Variants in CHD9 observed in about 807,000 individuals in gnomAD.
The protein encoded by CHD9 is ATP-dependent chromatin remodeler CHD9.
CHD9 carries 77 observed loss-of-function variants against 316.1 expected under a neutral mutation model. That is an observed-to-expected ratio of 0.24 (90% CI 0.20 to 0.29). CHD9 has a LOEUF of 0.29. CHD9 is among the 10% of genes least tolerant of loss of function. The pLI is 1.00. For synonymous variants in CHD9, 1,129 were observed against 1,158.3 expected (o/e 0.97, Z 0.51); for missense variants, 2,763 against 3,438.1 (o/e 0.80, Z 4.91).
intron 20 of CHD9, among the ~76,000 whole-genome samples, chr16:53,266,814 T>C (rs962364009): frequency 3.9e-5 from 6 of 152,222 alleles, no homozygotes; most frequent in African/African-American, 1.4e-4. Flanking sequence ...TTTCTTTGTA[T>C]TAAGTCTTTT....
intron 24 of CHD9, among the ~76,000 whole-genome samples, chr16:53,275,240 C>T (rs2052698062): frequency 6.6e-6 from 1 of 152,038 alleles, no homozygotes; most frequent in African/African-American, 2.4e-5. Flanking sequence ...GTTGGCGAAG[C>T]TGGTCTTGAA....
intron 1 of CHD9, among the ~76,000 whole-genome samples, chr16:53,103,264 C>G (rs993744070): frequency 6.6e-6 from 1 of 150,560 alleles, no homozygotes; most frequent in Non-Finnish European, 1.5e-5. Flanking sequence ...AACTCCTGAG[C>G]TCAAGTGATC....
intron 2 of CHD9, among the ~76,000 whole-genome samples, chr16:53,193,573 A>G (rs1176004133): frequency 6.6e-6 from 1 of 152,154 alleles, no homozygotes; most frequent in Non-Finnish European, 1.5e-5. Context: ...TTTATTCGCA[A>G]TCCTTTCATC....
chr16:53,132,427 C>T (rs1408040887), intron 1 of CHD9, among the ~76,000 whole-genome samples: 1 of 152,074 alleles, frequency 6.6e-6, no homozygotes, highest in South Asian at 2.1e-4. Flanking sequence ...TGATCTTAAA[C>T]GAAAAGAAGG....
At chr16:53,146,789 A>G (rs1292088466) in intron 1 of CHD9, among the ~76,000 whole-genome samples, 1 of 137,662 alleles carries the variant, frequency 7.3e-6, no homozygotes, top group Non-Finnish European at 1.6e-5. Flanking sequence ...ACAGAGTGAG[A>G]CGGTCTCAAA....
At chr16:53,222,325 G>C (rs1004964239) in intron 3 of CHD9, among the ~76,000 whole-genome samples, 1 of 152,082 alleles carries the variant, frequency 6.6e-6, no homozygotes, top group Non-Finnish European at 1.5e-5. Context: ...ACCTGCCTCA[G>C]CCTCCCAAAG....
At position 53,086,209 on chromosome 16, in the gene CHD9, G is replaced by A. The variant is rs529392223; in HGVS notation, c.-165+31132G>A. Among the ~76,000 whole-genome samples, 11 of 152,222 alleles carry A rather than the reference G, an allele frequency of 7.2e-5. No individual in the cohort carries two copies. The South Asian group carries it at 1.2e-3, about 17-fold the overall frequency. ...TATCAGACCCAGATGTTCAGGCAAC[G>A]GTTCTCAAGATGCCCATGAAAAGGT... On this transcript the variant is annotated intron_variant, in intron 1 of 38. Transcript: ENST00000447540.
chr16:53,227,557 G>A lies in CHD9; in HGVS notation c.2122G>A (p.Gly708Arg). The A allele has an allele frequency of 7.0e-7, 1 of 1,437,280 alleles. No homozygotes were observed. Among genetic ancestry groups the A allele is most frequent in the Non-Finnish European group, 9.4e-7 (1 of 1,068,048 alleles). 89.0% of individuals were successfully genotyped at this position (1,437,280 alleles called of 1,614,324 possible). ...SRTVKKEISP[G>R]VMIDTEEFFV... Reference sequence around the variant, plus strand: ...GATTTTCTTTTCTTAGATATCACCTGGAGTGATGATTGATACAGAAGAATT... The same window carrying A: ...GATTTTCTTTTCTTAGATATCACCTAGAGTGATGATTGATACAGAAGAATT... Residue 708 changes from glycine to arginine, a missense_variant, in exon 7 of 39, where the codon GGA becomes AGA. Physicochemically the swap from Gly to Arg is moderately radical, Grantham distance 125 (BLOSUM62 -2). Around this residue, in one of 15 missense-constraint regions of CHD9, gnomAD observed 859 missense variants for 890.4 expected, o/e 0.96. Transcript: ENST00000447540.
intron 1 of CHD9, among the ~76,000 whole-genome samples, chr16:53,093,858 C>T (rs2036157792): frequency 6.6e-6 from 1 of 152,080 alleles, no homozygotes; most frequent in Non-Finnish European, 1.5e-5. Flanking sequence ...AAGCAGCTCT[C>T]AGAGCCTTGA....
chr16:53,137,964 A>T (rs2039841547), intron 1 of CHD9, among the ~76,000 whole-genome samples: 1 of 152,240 alleles, frequency 6.6e-6, no homozygotes, highest in Non-Finnish European at 1.5e-5. Context: ...GAGAACTTTT[A>T]TCAAGGTATA....
intron 2 of CHD9, among the ~76,000 whole-genome samples, chr16:53,185,859 A>T (rs190942623): frequency 7.9e-5 from 12 of 152,340 alleles, no homozygotes; most frequent in Non-Finnish European, 1.2e-4. Flanking sequence ...GGGCCTGCAG[A>T]TGTGCAGAAG....
rs111817711 is a variant in CHD9 at position 53,136,151 on chromosome 16, G to A, written c.-164-19775G>A. 5.8e-4 allele frequency among the ~76,000 whole-genome samples: 89 copies of A among 152,186 alleles called. 1 individual carries two copies. The highest frequency in any genetic ancestry group is 1.8e-3 in the African/African-American group (76 of 41,554). On this transcript the variant is annotated intron_variant, in intron 1 of 38. Coordinates refer to ENST00000447540, the MANE Select transcript of CHD9 (RefSeq NM_001308319.2). Reference sequence around the variant, plus strand: ...ATAGCTGTCAGATACTGATGTTTCTGTTACAATTTGGCATTATGAAGTTAA... The same window carrying A: ...ATAGCTGTCAGATACTGATGTTTCTATTACAATTTGGCATTATGAAGTTAA...
chr16:53,274,382 C>G (rs776140457), intron 24 of CHD9, 80 bp downstream of exon 24: 224 of 736,786 alleles, frequency 3.0e-4, no homozygotes, highest in Middle Eastern at 2.9e-3. Flanking sequence ...TCAAGCGATC[C>G]TCCCACCTCT....
intron 1 of CHD9, among the ~76,000 whole-genome samples, chr16:53,088,441 C>A (rs1286840789): frequency 1.3e-5 from 2 of 151,848 alleles, no homozygotes; most frequent in Admixed American, 1.3e-4. Flanking sequence ...CCACGCCTGG[C>A]TAATTTTTTT....
intron 1 of CHD9, among the ~76,000 whole-genome samples, chr16:53,107,015 CCA>C (rs1431085907): frequency 6.6e-6 from 1 of 152,094 alleles, no homozygotes; most frequent in Non-Finnish European, 1.5e-5. Flanking sequence ...GAGTACACTA[CCA>C]CACACACAAA....
rs1379777308 is a variant in CHD9, at chr16:53,325,409, C to T, written c.*514C>T. The T allele has an allele frequency of 6.6e-6, 1 of 152,528 alleles. No homozygotes were observed. The highest frequency in any genetic ancestry group is 1.9e-4 in the East Asian group (1 of 5,188). The allele number at this position is 152,528 out of a possible 1,614,324, so 9.4% of individuals were successfully genotyped here. ...TGTTGTGATGCACTGCTGATGTTTC[C>T]AATTCAGGTACAAGTATGTTTTAAA... On this transcript the variant is annotated 3_prime_UTR_variant, in exon 39 of 39. Coordinates refer to ENST00000447540, the MANE Select transcript of CHD9 (RefSeq NM_001308319.2).
At chr16:53,318,173 T>A (rs1241679723) in intron 36 of CHD9, 39 bp from the exon 37 acceptor site, 1 of 1,555,742 alleles carries the variant, frequency 6.4e-7, no homozygotes, top group Non-Finnish European at 8.7e-7. Flanking sequence ...TTTGCACAGT[T>A]AAAGACTTTA....
At chr16:53,247,550 T>G (rs1255662336) in intron 16 of CHD9, 47 bp downstream of exon 16, 1 of 1,317,096 alleles carries the variant, frequency 7.6e-7, no homozygotes, top group African/African-American at 1.5e-5. Flanking sequence ...TATATGCTAT[T>G]AAGATTTGTG....
intron 4 of CHD9, among the ~76,000 whole-genome samples, chr16:53,224,101 T>A (rs1854809966): frequency 6.6e-6 from 1 of 152,202 alleles, no homozygotes; most frequent in African/African-American, 2.4e-5. Flanking sequence ...ATTAGTCACT[T>A]AAAACGTGCT....
Sources: allele counts gnomAD v4.1 joint callset (sites outside exome capture counted in the v4.1 genomes callset), GRCh38; gene constraint gnomAD v4.1.1; regional missense constraint gnomAD v4.1.1; transcripts MANE v1.5; gene names NCBI Gene and HGNC (gene_info 2026-07-23, HGNC 2026-07-21).